ZDHHC21: variants seen among roughly 807,000 people sequenced by gnomAD.
The protein encoded by ZDHHC21 is zDHHC palmitoyltransferase 21.
Under a neutral mutation model 34.6 loss-of-function variants are expected in ZDHHC21, and 15 were observed. The ratio of observed to expected loss-of-function variants is 0.43; its 90% confidence interval spans 0.29 to 0.67. The LOEUF is 0.67. ZDHHC21 is among the 30% of genes least tolerant of loss of function. The pLI, the probability that ZDHHC21 is intolerant of heterozygous loss-of-function variation, is 0.14. For synonymous variants in ZDHHC21, 142 were observed against 101.8 expected, an observed-to-expected ratio of 1.40 and a Z score of -2.38; for missense variants, 344 against 327.7, an observed-to-expected ratio of 1.05 and a Z score of -0.38.
At chr9:14,673,327 T>C (rs1207083966) in intron 4 of ZDHHC21, among the ~76,000 whole-genome samples, 1 of 152,054 alleles carries the variant, frequency 6.6e-6, no homozygotes, top group Non-Finnish European at 1.5e-5. Flanking sequence ...TAACTGGGTA[T>C]CTTCAATATT....
chr9:14,687,991 T>C (rs1266351376), intron 2 of ZDHHC21, among the ~76,000 whole-genome samples: 1 of 150,976 alleles, frequency 6.6e-6, no homozygotes, highest in Non-Finnish European at 1.5e-5. Flanking sequence ...TCTGATATCA[T>C]TCTACTCTGA....
intron 8 of ZDHHC21, among the ~76,000 whole-genome samples, chr9:14,621,135 A>G (rs1028767612): frequency 6.6e-6 from 1 of 152,106 alleles, no homozygotes; most frequent in Non-Finnish European, 1.5e-5. Flanking sequence ...AATTAAAACA[A>G]CTTACACAAA....
chr9:14,682,836 T>A (rs1193931841), intron 2 of ZDHHC21, among the ~76,000 whole-genome samples: 1 of 152,120 alleles, frequency 6.6e-6, no homozygotes, highest in Non-Finnish European at 1.5e-5. Context: ...CAACAAACTA[T>A]CTCTCAGACC....
intron 5 of ZDHHC21, among the ~76,000 whole-genome samples, chr9:14,671,167 A>G (rs1245606781): frequency 1.3e-5 from 2 of 152,112 alleles, no homozygotes; most frequent in Non-Finnish European, 2.9e-5. Flanking sequence ...GTGAGTAAAT[A>G]CATCATTTTG....
chr9:14,605,250 A>G, the ZDHHC21 span, among the ~76,000 whole-genome samples: 1 of 151,098 alleles, frequency 6.6e-6, no homozygotes, highest in Admixed American at 6.6e-5. Flanking sequence ...TGAATCATAT[A>G]GCATTTCTAA....
chr9:14,597,380 C>T, the ZDHHC21 span, among the ~76,000 whole-genome samples: 2 of 152,154 alleles, frequency 1.3e-5, no homozygotes, highest in African/African-American at 2.4e-5. Flanking sequence ...CAGTATCCTA[C>T]ATCCCAGGGA....
intron 8 of ZDHHC21, among the ~76,000 whole-genome samples, chr9:14,638,495 T>C (rs1283879851): frequency 1.3e-5 from 2 of 152,014 alleles, no homozygotes; most frequent in East Asian, 1.9e-4. Context: ...GAAAATTTTA[T>C]GGCTAAGACC....
At position 14,658,794 on chromosome 9, in the gene ZDHHC21, A is replaced by T; in HGVS notation, c.459T>A (p.Ser153=). The change falls in exon 7 of 10, where the codon TCT becomes TCA. Residue 153 remains serine (S), a synonymous_variant. Transcript: ENST00000380916. ...ELLTCYALMF[S]FCHYYYFLPL... is the part of the protein sequence containing the mutation. ...GAAGAAAATAGTAATAGTGGCAGAAAGAAAACATCAGTGCGTAGCAAGTAA... is the reference window on the plus strand; with the variant it reads ...GAAGAAAATAGTAATAGTGGCAGAATGAAAACATCAGTGCGTAGCAAGTAA... 1 of 1,614,042 alleles carries T rather than the reference A, an allele frequency of 6.2e-7. No individual in the cohort carries two copies. Among genetic ancestry groups the T allele is most frequent in the African/African-American group, 1.3e-5 (1 of 75,062 alleles).
At chr9:14,670,008 AAAAC>A (rs1339819637) in intron 5 of ZDHHC21, among the ~76,000 whole-genome samples, 2 of 151,896 alleles carry the variant, frequency 1.3e-5, no homozygotes, top group Non-Finnish European at 2.9e-5. Flanking sequence ...GTATAATAAA[AAAAC>A]AAATAAACAA....
chr9:14,663,293 T>A (rs1052678685), intron 5 of ZDHHC21, among the ~76,000 whole-genome samples: 2 of 152,148 alleles, frequency 1.3e-5, no homozygotes, highest in African/African-American at 4.8e-5. Context: ...ATTAAAAGTA[T>A]GGACATAGTA....
downstream of ZDHHC21, among the ~76,000 whole-genome samples, chr9:14,607,317 A>G (rs1200938616): frequency 2.6e-5 from 4 of 152,026 alleles, no homozygotes. Context: ...GTGTGGGAGG[A>G]TGGCTTGAGC....
At chr9:14,652,079 C>T (rs533012578) in intron 7 of ZDHHC21, among the ~76,000 whole-genome samples, 8 of 151,956 alleles carry the variant, frequency 5.3e-5, no homozygotes, top group African/African-American at 1.9e-4. Flanking sequence ...AAAACTTCTC[C>T]AAACATCTCA....
intron 3 of ZDHHC21, among the ~76,000 whole-genome samples, chr9:14,679,090 C>T (rs1339671528): frequency 6.6e-6 from 1 of 151,948 alleles, no homozygotes; most frequent in Non-Finnish European, 1.5e-5. Flanking sequence ...ATGAATTTAT[C>T]AAAACTCAGC....
chr9:14,686,671 C>T (rs903425106), intron 2 of ZDHHC21, among the ~76,000 whole-genome samples: 11 of 151,994 alleles, frequency 7.2e-5, no homozygotes, highest in African/African-American at 2.4e-5. Context: ...AGAGACTAAA[C>T]ACAGAATTAC....
downstream of ZDHHC21, among the ~76,000 whole-genome samples, chr9:14,606,513 G>T (rs1018650453): frequency 6.6e-6 from 1 of 152,142 alleles, no homozygotes; most frequent in Non-Finnish European, 1.5e-5. Context: ...GCCAGCCATA[G>T]AATCTTCCAG....
chr9:14,633,623 A>ATATTCCCTGCC (rs1383294900), intron 8 of ZDHHC21, among the ~76,000 whole-genome samples: 1 of 152,062 alleles, frequency 6.6e-6, no homozygotes, highest in Admixed American at 6.5e-5. Flanking sequence ...AGCCCCACTG[A>ATATTCCCTGCC]TATTCCCTGC....
At position 14,639,953 on chromosome 9, in the gene ZDHHC21, A is replaced by G. The variant is rs1829034762; in HGVS notation, c.564T>C (p.Ile188=). The G allele has an allele frequency of 6.2e-7, 1 of 1,610,008 alleles. No individual in the cohort carries two copies. Among genetic ancestry groups the G allele is most frequent in the East Asian group, 2.2e-5 (1 of 44,706 alleles). ...AIMRLAAFMG[I]TMLVGITGLF... ...GTCCAGTTATTCCAACTAACATAGT[A>G]ATGCCCATAAAGGCTGCTAGTCTCA... Residue 188 remains isoleucine (I), a synonymous_variant, in exon 8 of 10, where the codon ATT becomes ATC. Transcript: ENST00000380916.
At chr9:14,599,000 C>T in the ZDHHC21 span, among the ~76,000 whole-genome samples, 11 of 152,198 alleles carry the variant, frequency 7.2e-5, no homozygotes, top group East Asian at 3.9e-4. Context: ...TGAGCTCAAG[C>T]GATCCTCCTG....
chr9:14,678,029 A>G (rs1451408340), intron 3 of ZDHHC21, among the ~76,000 whole-genome samples: 2 of 152,068 alleles, frequency 1.3e-5, no homozygotes, highest in African/African-American at 4.8e-5. Context: ...GGTCCTGTTT[A>G]CCACTGTTCG....
Sources: allele counts gnomAD v4.1 joint callset (sites outside exome capture counted in the v4.1 genomes callset), GRCh38; gene constraint gnomAD v4.1.1; transcripts MANE v1.5; gene names NCBI Gene and HGNC (gene_info 2026-07-23, HGNC 2026-07-21).